The following TTN variants were observed in gnomAD, a reference collection of about 807,000 sequenced individuals.
TTN encodes titin.
In TTN, 1,525 loss-of-function variants were observed where a neutral mutation model predicts 3,223.0. The ratio of observed to expected loss-of-function variants is 0.47; its 90% CI spans 0.45 to 0.49. TTN has a LOEUF of 0.49. Ranked by LOEUF, TTN falls within the 20% of genes least tolerant of loss-of-function variation. The probability of loss-of-function intolerance (pLI) is 0.00; values close to 1 mark genes in which losing one functional copy is unlikely to be tolerated. For missense variants in TTN, 40,786 were observed against 43,424.0 expected (o/e 0.94, Z 5.40); for synonymous variants, 14,094 against 15,161.0 (o/e 0.93, Z 5.17).
chr2:178,740,305 G>A lies in TTN; in HGVS notation c.12928C>T (p.Pro4310Ser). The change falls in exon 48 of 363, where the codon CCA (proline) becomes TCA (serine). Residue 4310 changes from proline (P) to serine (S), a missense_variant. By Grantham distance (74) the Pro-to-Ser change is moderately conservative. Transcript: ENST00000589042. ...GGKILIESAN[P>S]LENAGQDSAV... is the part of the protein sequence containing the mutation. ...GAATCTTGCCCTGCATTTTCCAGTG[G>A]ATTTGCACTTTCTATCAAAATTTTA... The A allele has an allele frequency of 6.2e-7, 1 of 1,613,662 alleles. No homozygotes were observed.
intron 48 of TTN, among the ~76,000 whole-genome samples, 193 bp from the exon 49 acceptor site, chr2:178,738,553 T>TA (rs1553935217): frequency 1.3e-4 from 19 of 151,888 alleles, no homozygotes; most frequent in African/African-American, 3.1e-4. Flanking sequence ...AAGCTTTTTT[T>TA]AAAAAAAACC....
rs1427806281 is a variant in TTN at position 178,569,876 on chromosome 2, C to T, written c.76256G>A (p.Arg25419Lys). 1 of 1,613,404 alleles carries T rather than the reference C, an allele frequency of 6.2e-7. No individual in the cohort carries two copies. The highest frequency in any genetic ancestry group is 1.1e-5 in the South Asian group (1 of 91,056). ...PNNPKVIDIT[R>K]SSVFLSWSKP... ...GCTCCAAGAAAGGAATACTGAAGAT[C>T]TGGTTATGTCTATGACTTTGGGGTT... Residue 25419 changes from arginine to lysine, a missense_variant, in exon 326 of 363, where the codon AGA becomes AAA. Coordinates refer to ENST00000589042, the MANE Select transcript of TTN (RefSeq NM_001267550.2).
Position 178,552,108 on chromosome 2 carries a change from C to T in TTN, c.90792G>A (p.Lys30264=). The T allele has an allele frequency of 1.2e-6, 2 of 1,613,752 alleles. No homozygotes were observed. Among genetic ancestry groups the T allele is most frequent in the Non-Finnish European group, 1.7e-6 (2 of 1,179,766 alleles). ...TCCAGTTAGTTTGTGAAGTTTCCCGCTTCTCGATGCTGTAACAAGTAATTT... is the reference window on the plus strand; with the variant it reads ...TCCAGTTAGTTTGTGAAGTTTCCCGTTTCTCGATGCTGTAACAAGTAATTT... ...GGEITCYSIE[K]RETSQTNWKM... is the part of the protein sequence containing the mutation. Residue 30264 remains lysine, a synonymous_variant, in exon 335 of 363, where the codon AAG becomes AAA. Coordinates refer to ENST00000589042, the MANE Select transcript of TTN (RefSeq NM_001267550.2).
At chr2:178,710,490 A>T in intron 98 of TTN, 145 bp downstream of exon 98, 2 of 1,007,746 alleles carry the variant, frequency 2.0e-6, no homozygotes, top group Non-Finnish European at 2.9e-6. Flanking sequence ...CTTCTTCTCT[A>T]GATAAACTTA....
intron 342 of TTN, 29 bp downstream of exon 342, chr2:178,546,183 A>G: frequency 6.3e-7 from 1 of 1,595,090 alleles, no homozygotes; most frequent in South Asian, 1.1e-5. Flanking sequence ...AAAATGCTAT[A>G]TAAATGTGAG....
chr2:178,527,960 T>A (rs930714425), intron 361 of TTN: 4 of 549,494 alleles, frequency 7.3e-6, no homozygotes, highest in Non-Finnish European at 1.2e-5. Context: ...ATTTCTATCA[T>A]TACATTACAT....
At position 178,560,654 on chromosome 2, in the gene TTN, G is replaced by T. The variant is rs1703288626; in HGVS notation, c.85478C>A (p.Thr28493Lys). The change falls in exon 326 of 363, where the codon ACA (threonine) becomes AAA (lysine). Residue 28493 changes from threonine to lysine, a missense_variant. Thr to Lys is a moderately conservative substitution (Grantham distance 78). Coordinates refer to ENST00000589042, the MANE Select transcript of TTN (RefSeq NM_001267550.2). ...IDYYIVEKRE[T>K]SHLAWTICEG... is the part of the protein sequence containing the mutation. ...ACATATTGTCCATGCAAGGTGGCTTGTTTCACGTTTTTCTACGATGTAATA... is the reference window on the plus strand; with the variant it reads ...ACATATTGTCCATGCAAGGTGGCTTTTTTCACGTTTTTCTACGATGTAATA... 3 of 1,613,480 alleles carry T rather than the reference G, an allele frequency of 1.9e-6. No individual in the cohort carries two copies. The highest frequency in any genetic ancestry group is 1.3e-5 in the African/African-American group (1 of 74,902).
intron 61 of TTN, 48 bp downstream of exon 61, chr2:178,730,453 GAAAC>G (rs2080244574): frequency 6.4e-7 from 1 of 1,554,858 alleles, no homozygotes; most frequent in African/African-American, 1.4e-5. Context: ...ATTTAGAAAT[GAAAC>G]AAAAATATTT....
intron 212 of TTN, 74 bp downstream of exon 212, chr2:178,649,480 G>T: frequency 6.8e-7 from 1 of 1,463,604 alleles, no homozygotes; most frequent in Non-Finnish European, 9.2e-7. Context: ...ACAACAATGA[G>T]GACAACTTAT....
At position 178,589,741 on chromosome 2, in the gene TTN, C is replaced by G; in HGVS notation, c.61984G>C (p.Ala20662Pro). The change falls in exon 304 of 363, where the codon GCT becomes CCT. Residue 20662 changes from alanine to proline, a missense_variant. Transcript: ENST00000589042. ...CCTGGTCTGTCAATAGGGTTAATAGCCAGAATGGGAGTTTTTGTTTCGATG... is the reference window on the plus strand; with the variant it reads ...CCTGGTCTGTCAATAGGGTTAATAGGCAGAATGGGAGTTTTTGTTTCGATG... ...PTIETKTPIL[A>P]INPIDRPGEP... 6.2e-7 allele frequency: 1 copy of G among 1,613,482 alleles called. No homozygotes were observed. Among genetic ancestry groups the G allele is most frequent in the East Asian group, 2.2e-5 (1 of 44,796 alleles).
Position 178,591,751 on chromosome 2 carries a change from T to A in TTN, c.60068A>T (p.Asp20023Val). 2 of 1,613,302 alleles carry A rather than the reference T, an allele frequency of 1.2e-6. No individual in the cohort carries two copies. The highest frequency in any genetic ancestry group is 1.7e-6 in the Non-Finnish European group (2 of 1,179,576). ...LVEYQEEGTQDWIKFKTVTNL... is the reference protein window; with the variant it reads ...LVEYQEEGTQVWIKFKTVTNL... The stretch of plus-strand genomic sequence containing the variant: ...TGTCACAGTCTTAAATTTAATCCAG[T>A]CCTGGGTGCCTTCTTCTTGATATTC... The change falls in exon 303 of 363, where the codon GAC becomes GTC. Residue 20023 changes from aspartate (D) to valine (V), a missense_variant. Coordinates refer to ENST00000589042, the MANE Select transcript of TTN (RefSeq NM_001267550.2).
chr2:178,733,583 C>A (rs1164701121), intron 53 of TTN, 31 bp downstream of exon 53: 2 of 1,596,342 alleles, frequency 1.3e-6, no homozygotes, highest in Non-Finnish European at 8.6e-7. Context: ...TTCTAAATAG[C>A]AATTTGAGGT....
In TTN at chr2:178,571,954, A is replaced by G. The variant is rs369499699; in HGVS notation, c.74178T>C (p.Thr24726=). The change falls in exon 326 of 363, where the codon ACT becomes ACC. Residue 24726 remains threonine, a synonymous_variant. Transcript: ENST00000589042. ...CTTTTAGGTCTTCACCTGCCAGTACAGTGAAAGTATTGAACAGGAGTTTGA... is the reference window on the plus strand; with the variant it reads ...CTTTTAGGTCTTCACCTGCCAGTACGGTGAAAGTATTGAACAGGAGTTTGA... ...PAFKLLFNTF[T]VLAGEDLKVD... 3 of 1,613,336 alleles carry G rather than the reference A, an allele frequency of 1.9e-6. No individual in the cohort carries two copies. The highest frequency in any genetic ancestry group is 1.7e-5 in the Admixed American group (1 of 59,966).
Position 178,804,572 on chromosome 2 carries a change from G to T in TTN, c.71C>A (p.Thr24Asn), listed in dbSNP as rs536235994. 1.1e-5 allele frequency: 17 copies of T among 1,613,866 alleles called. No homozygotes were observed. Among genetic ancestry groups the T allele is most frequent in the Middle Eastern group, 1.6e-4 (1 of 6,084 alleles). The change falls in exon 2 of 363, where the codon ACC (threonine) becomes AAC (asparagine). Residue 24 changes from threonine to asparagine, a missense_variant. Coordinates refer to ENST00000589042, the MANE Select transcript of TTN (RefSeq NM_001267550.2). The part of the protein sequence containing the change: ...SVVVLEGSTA[T>N]FEAHISGFPV... Reference sequence around the variant, plus strand: ...CTTACCACTAATGTGAGCCTCAAAGGTTGCGGTACTACCCTCCAGTACCAC... The same window carrying T: ...CTTACCACTAATGTGAGCCTCAAAGTTTGCGGTACTACCCTCCAGTACCAC...
chr2:178,751,262 A>G (rs2085414115), intron 47 of TTN: 2 of 1,609,012 alleles, frequency 1.2e-6, no homozygotes, highest in Non-Finnish European at 1.7e-6. Flanking sequence ...CTTTTTCTCC[A>G]TTAATGTTTT....
Position 178,540,301 on chromosome 2 carries a change from C to T in TTN, c.97865G>A (p.Ser32622Asn), listed in dbSNP as rs777613491. Residue 32622 changes from serine (S) to asparagine (N), a missense_variant, in exon 351 of 363, where the codon AGT becomes AAT. Physicochemically the swap from Ser to Asn is conservative, Grantham distance 46. Transcript: ENST00000589042. ...TTRTSVSLAW[S>N]VPEDEGGSKV... The stretch of plus-strand genomic sequence containing the variant: ...AGATCCTCCTTCATCTTCTGGAACA[C>T]TCCAGGCCAGGGAGACTGATGTCCT... 5 of 1,613,804 alleles carry T rather than the reference C, an allele frequency of 3.1e-6. No homozygotes were observed. Among genetic ancestry groups the T allele is most frequent in the African/African-American group, 1.3e-5 (1 of 75,024 alleles).
At position 178,607,154 on chromosome 2, in the gene TTN, C is replaced by T. The variant is rs750500146; in HGVS notation, c.53448G>A (p.Glu17816=). The T allele has an allele frequency of 1.9e-6, 3 of 1,612,840 alleles. No homozygotes were observed. The highest frequency in any genetic ancestry group is 2.5e-6 in the Non-Finnish European group (3 of 1,179,304). Residue 17816 remains glutamate (E), a synonymous_variant, in exon 278 of 363, where the codon GAG becomes GAA. Coordinates refer to ENST00000589042, the MANE Select transcript of TTN (RefSeq NM_001267550.2). ...AKMHTWRQPI[E]TERSKCDITG... is the part of the protein sequence containing the mutation. Reference sequence around the variant, plus strand: ...TGATGTCACATTTAGATCTCTCAGTCTCTATTGGTTGTCTCCAAGTATGCA... The same window carrying T: ...TGATGTCACATTTAGATCTCTCAGTTTCTATTGGTTGTCTCCAAGTATGCA...
rs200916144 is a variant in TTN at position 178,652,361 on chromosome 2, A to G, written c.39128-14T>C. 751 of 1,613,584 alleles carry G rather than the reference A, an allele frequency of 4.7e-4. No homozygotes were observed. The highest frequency in any genetic ancestry group is 6.0e-4 in the Non-Finnish European group (706 of 1,179,662). ...GAGCCTCAGGCACTTGAAAGATAAT[A>G]GTGAAATTACATTTAGGCATTATGA... On this transcript the variant is annotated splice_polypyrimidine_tract_variant and intron_variant, in intron 202 of 362. Coordinates refer to ENST00000589042, the MANE Select transcript of TTN (RefSeq NM_001267550.2).
chr2:178,744,453 G>C, intron 47 of TTN: 1 of 895,508 alleles, frequency 1.1e-6, no homozygotes, highest in Non-Finnish European at 1.3e-6. Context: ...GTCCACATTA[G>C]TATATAGGTA....
Sources: gnomAD v4.1 joint callset for allele counts (sites outside exome capture counted in the v4.1 genomes callset) on GRCh38, gnomAD v4.1.1 for gene constraint, MANE v1.5 for transcripts, NCBI Gene and HGNC (gene_info 2026-07-23, HGNC 2026-07-21) for gene names.